Variants in PCYOX1L observed in about 807,000 individuals in gnomAD.
The protein encoded by PCYOX1L is prenylcysteine oxidase 1-like.
PCYOX1L carries 40 observed loss-of-function variants against 44.1 expected under a neutral mutation model. The ratio of observed to expected loss-of-function variants is 0.91; its 90% CI spans 0.70 to 1.18. PCYOX1L has a LOEUF of 1.18. Among genes scored for constraint, PCYOX1L ranks in the 50% most tolerant of loss-of-function variants. The pLI is 0.00. For synonymous variants in PCYOX1L, 266 were observed against 282.8 expected (o/e 0.94, Z 0.60); for missense variants, 605 against 653.3 (o/e 0.93, Z 0.81).
In PCYOX1L at chr5:149,360,530, C is replaced by G. The variant is rs116963396; in HGVS notation, c.89-2107C>G. Among the ~76,000 whole-genome samples the G allele has an allele frequency of 6.0e-4, 91 of 152,312 alleles. 1 individual carries two copies. The South Asian group carries it at 9.5e-3, about 16-fold the overall frequency. ...CATGAACTCTACTGTCCACCAGGAT[C>G]TGGGGACATAGTGATCATGCACTCT... On this transcript the variant is annotated intron_variant, in intron 1 of 5. Coordinates refer to ENST00000274569, the MANE Select transcript of PCYOX1L (RefSeq NM_024028.4).
intron 1 of PCYOX1L, among the ~76,000 whole-genome samples, chr5:149,358,690 C>G (rs2127611910): frequency 6.6e-6 from 1 of 152,352 alleles, no homozygotes; most frequent in African/African-American, 2.4e-5. Flanking sequence ...AAACCACCCC[C>G]AGGTCGATAG....
intron 1 of PCYOX1L, among the ~76,000 whole-genome samples, chr5:149,361,724 G>C (rs1032732670): frequency 2.0e-5 from 3 of 152,186 alleles, no homozygotes; most frequent in African/African-American, 7.2e-5. Flanking sequence ...CGCCTCCCAG[G>C]TTCAAGCGAT....
rs568546718 is a variant in PCYOX1L, at chr5:149,367,848, A to G, written c.824-145A>G. The G allele has an allele frequency of 2.6e-5, 22 of 853,632 alleles. No individual in the cohort carries two copies. The East Asian group carries it at 3.3e-4, about 13-fold the overall frequency. The allele number at this position is 853,632 out of a possible 1,614,324, so 52.9% of individuals were successfully genotyped here. A position where few individuals can be genotyped will look rare whatever the true frequency, so the allele number is the denominator to read the frequency against. ...TTGCTTCTTCTGCAGCCGCATCAGC[A>G]TGGAGAGGCCAGGACCCACCATTTA... On this transcript the variant is annotated intron_variant, in intron 5 of 5. Transcript: ENST00000274569.
In PCYOX1L at chr5:149,362,728, G is replaced by A. The variant is rs1758051602; in HGVS notation, c.180G>A (p.Lys60=). 1 of 1,614,056 alleles carries A rather than the reference G, an allele frequency of 6.2e-7. No individual in the cohort carries two copies. The highest frequency in any genetic ancestry group is 1.3e-5 in the African/African-American group (1 of 74,928). ...GPRVQIDVYE[K]GTVGGRLATI... ...GGGTGCAGATCGACGTGTACGAGAA[G>A]GGAACCGTGGGTGGCCGCTTGGCCA... The change falls in exon 2 of 6, where the codon AAG becomes AAA. Residue 60 remains lysine (K), a synonymous_variant. Transcript: ENST00000274569.
In PCYOX1L at chr5:149,368,884, T is replaced by C; in HGVS notation, c.*230T>C. ...AGAGAAGGAAATCCAAGCCAGTATA[T>C]TTGTTTTATTTATTTTTTTTAAGAA... is the stretch of plus-strand genomic sequence containing the variant. On this transcript the variant is annotated 3_prime_UTR_variant, in exon 6 of 6. Coordinates refer to ENST00000274569, the MANE Select transcript of PCYOX1L (RefSeq NM_024028.4). 1 of 393,126 alleles carries C rather than the reference T, an allele frequency of 2.5e-6. No homozygotes were observed. Among genetic ancestry groups the C allele is most frequent in the Non-Finnish European group, 4.5e-6 (1 of 224,132 alleles). 24.4% of individuals were successfully genotyped at this position (393,126 alleles called of 1,614,324 possible).
At position 149,362,697 on chromosome 5, in the gene PCYOX1L, G is replaced by T. The variant is rs772731930; in HGVS notation, c.149G>T (p.Gly50Val). The change falls in exon 2 of 6, where the codon GGA becomes GTA. Residue 50 changes from glycine (G) to valine (V), a missense_variant. Coordinates refer to ENST00000274569, the MANE Select transcript of PCYOX1L (RefSeq NM_024028.4). ...AVAHFLQQHF[G>V]PRVQIDVYEK... ...GCCCATTTTCTCCAGCAGCACTTTG[G>T]ACCTCGGGTGCAGATCGACGTGTAC... The T allele has an allele frequency of 1.2e-6, 2 of 1,614,210 alleles. No individual in the cohort carries two copies. The highest frequency in any genetic ancestry group is 4.5e-5 in the East Asian group (2 of 44,884).
chr5:149,362,604 CTCTT>C, intron 1 of PCYOX1L, 29 bp from the exon 2 acceptor site: 4 of 1,611,546 alleles, frequency 2.5e-6, no homozygotes, highest in Non-Finnish European at 3.4e-6. Flanking sequence ...TGTTCTGTCT[CTCTT>C]CTTCCCTACC....
At position 149,368,538 on chromosome 5, in the gene PCYOX1L, G is replaced by A; in HGVS notation, c.1369G>A (p.Glu457Lys). The change falls in exon 6 of 6, where the codon GAG (glutamate) becomes AAG (lysine). Residue 457 changes from glutamate (E) to lysine (K), a missense_variant. Coordinates refer to ENST00000274569, the MANE Select transcript of PCYOX1L (RefSeq NM_024028.4). Reference sequence around the variant, plus strand: ...CCTGGAGTGGGCGGCCAGCTCCGTGGAGGTGATGGCCGTGGCTGCCAAGAA... The same window carrying A: ...CCTGGAGTGGGCGGCCAGCTCCGTGAAGGTGATGGCCGTGGCTGCCAAGAA... ...NALEWAASSV[E>K]VMAVAAKNVA... is the part of the protein sequence containing the mutation. The A allele has an allele frequency of 6.2e-7, 1 of 1,608,074 alleles. No individual in the cohort carries two copies. The highest frequency in any genetic ancestry group is 8.5e-7 in the Non-Finnish European group (1 of 1,177,334).
At chr5:149,367,285 A>G in intron 4 of PCYOX1L, 75 bp from the exon 5 acceptor site, 1 of 1,496,868 alleles carries the variant, frequency 6.7e-7, no homozygotes, top group Non-Finnish European at 8.9e-7. Context: ...GCCCAGTCGA[A>G]TAGTACTGGA....
At chr5:149,366,254 AT>A in intron 4 of PCYOX1L, 101 bp downstream of exon 4, 1 of 1,246,022 alleles carries the variant, frequency 8.0e-7, no homozygotes, top group African/African-American at 1.5e-5. Flanking sequence ...TATCCAGCTC[AT>A]TGCAGTCACA....
In PCYOX1L at chr5:149,368,384, C is replaced by T. The variant is rs1330305537; in HGVS notation, c.1215C>T (p.Thr405=). Residue 405 remains threonine (T), a synonymous_variant, in exon 6 of 6, where the codon ACC becomes ACT. Coordinates refer to ENST00000274569, the MANE Select transcript of PCYOX1L (RefSeq NM_024028.4). ...AGTCCCCCAAGCCCCTCTTTCGGAC[C>T]CAGCTAAAGACCCTGTTCCGTTCCT... is the stretch of plus-strand genomic sequence containing the variant. ...RVQSPKPLFR[T]QLKTLFRSYY... is the part of the protein sequence containing the mutation. 6.2e-7 allele frequency: 1 copy of T among 1,614,198 alleles called. No individual in the cohort carries two copies. The highest frequency in any genetic ancestry group is 1.1e-5 in the South Asian group (1 of 91,088).
chr5:149,366,181 C>T (rs374126898), intron 4 of PCYOX1L, 28 bp downstream of exon 4: 10 of 1,599,984 alleles, frequency 6.3e-6, no homozygotes, highest in African/African-American at 1.3e-5. Flanking sequence ...GGCCTGCCCA[C>T]CTGCCCCTCC....
intron 1 of PCYOX1L, 110 bp from the exon 2 acceptor site, chr5:149,362,527 A>T: frequency 8.9e-7 from 1 of 1,125,916 alleles, no homozygotes; most frequent in Non-Finnish European, 1.3e-6. Context: ...AAGCCTAGGA[A>T]ATTTAAGCAC....
chr5:149,358,272 A>C, intron 1 of PCYOX1L, 116 bp downstream of exon 1: 1 of 1,261,616 alleles, frequency 7.9e-7, no homozygotes, highest in Non-Finnish European at 1.0e-6. Flanking sequence ...GGTCCTCGGA[A>C]AAGGAGCTGG....
At position 149,368,363 on chromosome 5, in the gene PCYOX1L, C is replaced by G. The variant is rs1468690812; in HGVS notation, c.1194C>G (p.Ser398=). The G allele has an allele frequency of 2.5e-6, 4 of 1,614,038 alleles. No individual in the cohort carries two copies. The African/African-American group carries it at 5.3e-5, about 22-fold the overall frequency. The part of the protein sequence containing the change: ...PQEAAVWRVQ[S]PKPLFRTQLK... ...AGGCAGCTGTTTGGCGAGTCCAGTC[C>G]CCCAAGCCCCTCTTTCGGACCCAGC... The change falls in exon 6 of 6, where the codon TCC becomes TCG. Residue 398 remains serine, a synonymous_variant. Transcript: ENST00000274569.
In PCYOX1L at chr5:149,368,127, C is replaced by A; in HGVS notation, c.958C>A (p.Pro320Thr). 5 of 1,613,250 alleles carry A rather than the reference C, an allele frequency of 3.1e-6. No individual in the cohort carries two copies. Among genetic ancestry groups the A allele is most frequent in the Non-Finnish European group, 4.2e-6 (5 of 1,179,522 alleles). The change falls in exon 6 of 6, where the codon CCG becomes ACG. Residue 320 changes from proline to threonine, a missense_variant. Transcript: ENST00000274569. ...SSNLTFAGFH[P>T]PIDDVQGSFQ... ...CAACTTAACCTTTGCAGGCTTCCACCCGCCCATTGATGACGTGCAGGGCTC... is the reference window on the plus strand; with the variant it reads ...CAACTTAACCTTTGCAGGCTTCCACACGCCCATTGATGACGTGCAGGGCTC...
rs987226476 is a variant in PCYOX1L at position 149,363,910 on chromosome 5, T to G, written c.296-126T>G. 6 of 1,079,790 alleles carry G rather than the reference T, an allele frequency of 5.6e-6. No individual in the cohort carries two copies. In the African/African-American group the frequency reaches 9.4e-5, roughly 17 times the overall value. The allele number at this position is 1,079,790 out of a possible 1,614,324, so 66.9% of individuals were successfully genotyped here. A position where few individuals can be genotyped will look rare whatever the true frequency, so the allele number is the denominator to read the frequency against. On this transcript the variant is annotated intron_variant, in intron 2 of 5. Transcript: ENST00000274569. ...TTTTCCCAGTGCATCTGTTTACTGTTTATTAACAAGCAGCACAAATGAACA... is the reference window on the plus strand; with the variant it reads ...TTTTCCCAGTGCATCTGTTTACTGTGTATTAACAAGCAGCACAAATGAACA...
rs945900633 is a variant in PCYOX1L at position 149,368,769 on chromosome 5, G to T, written c.*115G>T. On this transcript the variant is annotated 3_prime_UTR_variant, in exon 6 of 6. Transcript: ENST00000274569. ...ACCAGGCTTCTTTCTGACCCCTCAT[G>T]TATCAAGCATCTCCAGGTGACCTAC... 4 of 1,084,562 alleles carry T rather than the reference G, an allele frequency of 3.7e-6. No homozygotes were observed. The highest frequency in any genetic ancestry group is 6.4e-5 in the Admixed American group (2 of 31,358). The allele number at this position is 1,084,562 out of a possible 1,614,324, so 67.2% of individuals were successfully genotyped here.
At chr5:149,358,399 T>C (rs1316739904) in intron 1 of PCYOX1L, among the ~76,000 whole-genome samples, 1 of 152,176 alleles carries the variant, frequency 6.6e-6, no homozygotes, top group South Asian at 2.1e-4. Context: ...TGGCCGCGGA[T>C]CTCACCGGGA....
Sources: gnomAD v4.1 joint callset for allele counts (sites outside exome capture counted in the v4.1 genomes callset) on GRCh38, gnomAD v4.1.1 for gene constraint, MANE v1.5 for transcripts, NCBI Gene and HGNC (gene_info 2026-07-23, HGNC 2026-07-21) for gene names.